The following MPLKIP variants were observed in gnomAD, a reference collection of about 807,000 sequenced individuals.
MPLKIP encodes M-phase specific PLK1 interacting protein, also known as M-phase-specific PLK1-interacting protein.
MPLKIP carries 16 observed loss-of-function variants against 16.9 expected under a neutral mutation model. The ratio of observed to expected loss-of-function variants is 0.94; its 90% CI spans 0.64 to 1.43. The LOEUF is 1.43. MPLKIP is among the 40% of genes most tolerant of loss of function. The pLI is 0.00. For missense variants in MPLKIP, 282 were observed against 237.6 expected, an observed-to-expected ratio of 1.19 and a Z score of -1.23; for synonymous variants, 126 against 98.4, an observed-to-expected ratio of 1.28 and a Z score of -1.66.
In MPLKIP at chr7:40,134,616, C is replaced by T; in HGVS notation, c.-49G>A. The T allele has an allele frequency of 6.5e-7, 1 of 1,528,198 alleles. No individual in the cohort carries two copies. 94.7% of individuals were successfully genotyped at this position (1,528,198 alleles called of 1,614,324 possible). On this transcript the variant is annotated 5_prime_UTR_variant, in exon 1 of 2. Coordinates refer to ENST00000306984, the MANE Select transcript of MPLKIP (RefSeq NM_138701.4). The stretch of plus-strand genomic sequence containing the variant: ...TCGCAGCCGCGTTCTCCCACCGGAA[C>T]TGTATCAACCGGCCCTCCGCAGAGA...
Position 40,132,028 on chromosome 7 carries a change from CTTGA to C in MPLKIP, c.*1027_*1030del, listed in dbSNP as rs1308825369. On this transcript the variant is annotated 3_prime_UTR_variant, in exon 2 of 2. Transcript: ENST00000306984. ...ATCTCAAAAAACAAACAAAAAACCA[CTTGA>C]TTTTTAAAAAATAGTTGGGGTAACA... The C allele has an allele frequency of 6.6e-6, 1 of 152,162 alleles. No homozygotes were observed. Among genetic ancestry groups the C allele is most frequent in the Non-Finnish European group, 1.5e-5 (1 of 68,036 alleles). The allele number at this position is 152,162 out of a possible 1,614,324, so 9.4% of individuals were successfully genotyped here. A position where few individuals can be genotyped will look rare whatever the true frequency, so the allele number is the denominator to read the frequency against.
At position 40,132,452 on chromosome 7, in the gene MPLKIP, C is replaced by A. The variant is rs548954905; in HGVS notation, c.*607G>T. The A allele has an allele frequency of 6.4e-6, 1 of 156,160 alleles. No individual in the cohort carries two copies. The highest frequency in any genetic ancestry group is 2.0e-4 in the South Asian group (1 of 5,116). The allele number at this position is 156,160 out of a possible 1,614,324, so 9.7% of individuals were successfully genotyped here. ...TTGATTTAGCAATGCATGGTCTATT[C>A]TTGCCTTTTCCAGTTAAATGAGTAT... On this transcript the variant is annotated 3_prime_UTR_variant, in exon 2 of 2. Transcript: ENST00000306984.
rs1386968322 is a variant in MPLKIP, at chr7:40,134,424, C to A, written c.144G>T (p.Pro48=). The A allele has an allele frequency of 1.3e-6, 2 of 1,564,760 alleles. No individual in the cohort carries two copies. Among genetic ancestry groups the A allele is most frequent in the Non-Finnish European group, 1.7e-6 (2 of 1,156,864 alleles). Residue 48 remains proline (P), a synonymous_variant, in exon 1 of 2, where the codon CCG becomes CCT. Coordinates refer to ENST00000306984, the MANE Select transcript of MPLKIP (RefSeq NM_138701.4). The part of the protein sequence containing the change: ...PPSPRDGYGS[P]HHTPPYGPRS... ...GGGGCCCGTACGGCGGCGTGTGGTGCGGACTCCCGTACCCGTCTCGAGGGG... is the reference window on the plus strand; with the variant it reads ...GGGGCCCGTACGGCGGCGTGTGGTGAGGACTCCCGTACCCGTCTCGAGGGG...
At chr7:40,133,625 G>A (rs1787510539) in intron 1 of MPLKIP, among the ~76,000 whole-genome samples, 1 of 152,070 alleles carries the variant, frequency 6.6e-6, no homozygotes, top group African/African-American at 2.4e-5. Context: ...TAGTTTTAAA[G>A]TTTCTAGAAC....
intron 1 of MPLKIP, 152 bp downstream of exon 1, chr7:40,134,077 C>T: frequency 2.3e-6 from 2 of 862,728 alleles, no homozygotes; most frequent in Non-Finnish European, 3.6e-6. Context: ...GGAAGTCACT[C>T]AACTTCTCTA....
Position 40,128,701 on chromosome 7 carries a change from G to A in MPLKIP, c.*4358C>T, listed in dbSNP as rs1787423124. 1 of 152,200 alleles carries A rather than the reference G, an allele frequency of 6.6e-6. No individual in the cohort carries two copies. The highest frequency in any genetic ancestry group is 2.1e-4 in the South Asian group (1 of 4,822). 9.4% of individuals were successfully genotyped at this position (152,200 alleles called of 1,614,324 possible). A position where few individuals can be genotyped will look rare whatever the true frequency, so the allele number is the denominator to read the frequency against. ...GAGGCTGAGGCTGGGCAGATCATGA[G>A]GTCAGGAGATTGAGACCATCCTGGC... is the stretch of plus-strand genomic sequence containing the variant. On this transcript the variant is annotated 3_prime_UTR_variant, in exon 2 of 2. Coordinates refer to ENST00000306984, the MANE Select transcript of MPLKIP (RefSeq NM_138701.4).
Position 40,134,496 on chromosome 7 carries a change from TC to T in MPLKIP, c.71del (p.Gly24GlufsTer129). On this transcript the variant is annotated frameshift_variant, in exon 1 of 2. Transcript: ENST00000306984. LOFTEE classifies it high-confidence loss of function. ...CGCCCGGGGTTCCCCGGAAGCTGCTTCCGCTACCCCAACCTCCTCCACCCGG... is the reference window on the plus strand; with the variant it reads ...CGCCCGGGGTTCCCCGGAAGCTGCTTCGCTACCCCAACCTCCTCCACCCGG... ...PGPGGGGWGSGSSFRGTPGGG... is the reference protein window; with the variant it reads ...PGPGGGGWGSXSSFRGTPGGG... 1 of 1,582,906 alleles carries T rather than the reference TC, an allele frequency of 6.3e-7. No individual in the cohort carries two copies. Among genetic ancestry groups the T allele is most frequent in the Non-Finnish European group, 8.6e-7 (1 of 1,166,162 alleles).
At position 40,134,519 on chromosome 7, in the gene MPLKIP, C is replaced by T. The variant is rs201269559; in HGVS notation, c.49G>A (p.Gly17Ser). Residue 17 changes from glycine (G) to serine (S), a missense_variant, in exon 1 of 2, where the codon GGT becomes AGT. Transcript: ENST00000306984. ...CTTCCGCTACCCCAACCTCCTCCACCCGGACCAGGGTAAGGAGGAGTTGGG... is the reference window on the plus strand; with the variant it reads ...CTTCCGCTACCCCAACCTCCTCCACTCGGACCAGGGTAAGGAGGAGTTGGG... Reference protein sequence around the residue: ...RPPTPPYPGPGGGGWGSGSSF... With the variant: ...RPPTPPYPGPSGGGWGSGSSF... The T allele has an allele frequency of 6.3e-7, 1 of 1,594,408 alleles. No homozygotes were observed. Among genetic ancestry groups the T allele is most frequent in the Non-Finnish European group, 8.5e-7 (1 of 1,172,108 alleles).
chr7:40,133,886 T>TAAAAAAAAA (rs34937720), intron 1 of MPLKIP, among the ~76,000 whole-genome samples: 15 of 105,536 alleles, frequency 1.4e-4, no homozygotes, highest in South Asian at 3.3e-4. Context: ...GAAAGAAAGA[T>TAAAAAAAAA]AAAAAAAAAA....
At position 40,134,441 on chromosome 7, in the gene MPLKIP, C is replaced by G. The variant is rs1326175149; in HGVS notation, c.127G>C (p.Asp43His). 2.6e-6 allele frequency: 4 copies of G among 1,567,524 alleles called. No individual in the cohort carries two copies. The African/African-American group carries it at 4.1e-5, about 16-fold the overall frequency. ...GTGTGGTGCGGACTCCCGTACCCGTCTCGAGGGGAGGGCGGCCGTGGTCCG... is the reference window on the plus strand; with the variant it reads ...GTGTGGTGCGGACTCCCGTACCCGTGTCGAGGGGAGGGCGGCCGTGGTCCG... ...GGGPRPPSPRDGYGSPHHTPP... is the reference protein window; with the variant it reads ...GGGPRPPSPRHGYGSPHHTPP... The change falls in exon 1 of 2, where the codon GAC becomes CAC. Residue 43 changes from aspartate to histidine, a missense_variant. Physicochemically the swap from Asp to His is moderately conservative, Grantham distance 81. Coordinates refer to ENST00000306984, the MANE Select transcript of MPLKIP (RefSeq NM_138701.4).
chr7:40,127,137 C>A lies in MPLKIP; in HGVS notation c.*5922G>T, dbSNP rs916428334. On this transcript the variant is annotated 3_prime_UTR_variant, in exon 2 of 2. Transcript: ENST00000306984. Reference sequence around the variant, plus strand: ...GTTCTGCTTTTAAGAGTACTATAGGCCAGGAACGGTGGCTTAGGCCTGTAA... The same window carrying A: ...GTTCTGCTTTTAAGAGTACTATAGGACAGGAACGGTGGCTTAGGCCTGTAA... The A allele has an allele frequency of 6.6e-6, 1 of 152,154 alleles. No homozygotes were observed. Among genetic ancestry groups the A allele is most frequent in the Non-Finnish European group, 1.5e-5 (1 of 68,076 alleles). 9.4% of individuals were successfully genotyped at this position (152,154 alleles called of 1,614,324 possible).
chr7:40,134,613 G>T lies in MPLKIP; in HGVS notation c.-46C>A. The T allele has an allele frequency of 6.5e-7, 1 of 1,536,192 alleles. No homozygotes were observed. The highest frequency in any genetic ancestry group is 8.8e-7 in the Non-Finnish European group (1 of 1,140,000). On this transcript the variant is annotated 5_prime_UTR_variant, in exon 1 of 2. Transcript: ENST00000306984. ...ACCTCGCAGCCGCGTTCTCCCACCG[G>T]AACTGTATCAACCGGCCCTCCGCAG... is the stretch of plus-strand genomic sequence containing the variant.
In MPLKIP at chr7:40,128,672, TTGGGAGGCTGAGGC is replaced by T. The variant is rs1437750428; in HGVS notation, c.*4373_*4386del. 4.6e-5 allele frequency: 7 copies of T among 152,122 alleles called. No homozygotes were observed. Among genetic ancestry groups the T allele is most frequent in the African/African-American group, 1.7e-4 (7 of 41,408 alleles). 9.4% of individuals were successfully genotyped at this position (152,122 alleles called of 1,614,324 possible). ...GGCTCACGCCTGTAATCCCAGCACT[TTGGGAGGCTGAGGC>T]TGGGCAGATCATGAGGTCAGGAGAT... On this transcript the variant is annotated 3_prime_UTR_variant, in exon 2 of 2. Coordinates refer to ENST00000306984, the MANE Select transcript of MPLKIP (RefSeq NM_138701.4).
rs1185847235 is a variant in MPLKIP, at chr7:40,128,733, G to C, written c.*4326C>G. On this transcript the variant is annotated 3_prime_UTR_variant, in exon 2 of 2. Transcript: ENST00000306984. ...AGATTGAGACCATCCTGGCTAACAGGGTGAAACCCTGCCTCTACTAAAAAT... is the reference window on the plus strand; with the variant it reads ...AGATTGAGACCATCCTGGCTAACAGCGTGAAACCCTGCCTCTACTAAAAAT... The C allele has an allele frequency of 6.6e-6, 1 of 152,192 alleles. No individual in the cohort carries two copies. The highest frequency in any genetic ancestry group is 2.4e-5 in the African/African-American group (1 of 41,410). The allele number at this position is 152,192 out of a possible 1,614,324, so 9.4% of individuals were successfully genotyped here.
chr7:40,134,243 G>A lies in MPLKIP; in HGVS notation c.325C>T (p.Gln109Ter). Residue 109 changes from glutamine to a stop codon, truncating the protein, a stop_gained, in exon 1 of 2, where the codon CAG becomes TAG. Transcript: ENST00000306984. LOFTEE classifies it high-confidence loss of function. ...QQFGYSPGQQ[Q>*]THPQGSPRTS... ...ATTATTATTACCTGGGGGTGGGTCT[G>A]CTGCTGCCCTGGGGAGTAGCCGAAT... 1.3e-6 allele frequency: 2 copies of A among 1,556,994 alleles called. No individual in the cohort carries two copies. Among genetic ancestry groups the A allele is most frequent in the Non-Finnish European group, 1.7e-6 (2 of 1,150,168 alleles).
At chr7:40,133,668 T>C (rs1787511958) in intron 1 of MPLKIP, among the ~76,000 whole-genome samples, 1 of 152,144 alleles carries the variant, frequency 6.6e-6, no homozygotes, top group South Asian at 2.1e-4. Flanking sequence ...CTTTACTCCT[T>C]AGCTCCAGGC....
rs1222805646 is a variant in MPLKIP at position 40,126,174 on chromosome 7, C to T, written c.*6885G>A. On this transcript the variant is annotated 3_prime_UTR_variant, in exon 2 of 2. Transcript: ENST00000306984. ...TAATTACTATATCTAAAGCATGTTACCTTCATTTGTATTTACACTATGACC... is the reference window on the plus strand; with the variant it reads ...TAATTACTATATCTAAAGCATGTTATCTTCATTTGTATTTACACTATGACC... 1 of 152,132 alleles carries T rather than the reference C, an allele frequency of 6.6e-6. No individual in the cohort carries two copies. Among genetic ancestry groups the T allele is most frequent in the Non-Finnish European group, 1.5e-5 (1 of 68,036 alleles). The allele number at this position is 152,132 out of a possible 1,614,324, so 9.4% of individuals were successfully genotyped here.
At position 40,133,023 on chromosome 7, in the gene MPLKIP, C is replaced by G. The variant is rs371552273; in HGVS notation, c.*36G>C. The G allele has an allele frequency of 1.3e-6, 2 of 1,582,912 alleles. No homozygotes were observed. Among genetic ancestry groups the G allele is most frequent in the African/African-American group, 1.3e-5 (1 of 74,314 alleles). ...ACTTAAAGTTTTGTCCAAGATGTTC[C>G]TGACACATGAAGCTTCCAGTTGAAT... On this transcript the variant is annotated 3_prime_UTR_variant, in exon 2 of 2. Coordinates refer to ENST00000306984, the MANE Select transcript of MPLKIP (RefSeq NM_138701.4).
Position 40,127,633 on chromosome 7 carries a change from A to G in MPLKIP, c.*5426T>C, listed in dbSNP as rs1168367926. ...TGAAATTAAGATGTATCTTATAATC[A>G]ATGACATGTCACAGCTTAACTGGCA... is the stretch of plus-strand genomic sequence containing the variant. On this transcript the variant is annotated 3_prime_UTR_variant, in exon 2 of 2. Coordinates refer to ENST00000306984, the MANE Select transcript of MPLKIP (RefSeq NM_138701.4). The G allele has an allele frequency of 6.6e-6, 1 of 152,214 alleles. No homozygotes were observed. The highest frequency in any genetic ancestry group is 1.5e-5 in the Non-Finnish European group (1 of 68,040). 9.4% of individuals were successfully genotyped at this position (152,214 alleles called of 1,614,324 possible).
Sources: gnomAD v4.1 joint callset for allele counts (sites outside exome capture counted in the v4.1 genomes callset) on GRCh38, gnomAD v4.1.1 for gene constraint, MANE v1.5 for transcripts, NCBI Gene and HGNC (gene_info 2026-07-23, HGNC 2026-07-21) for gene names.